The following NCOA2 variants were observed in gnomAD, a reference collection of about 807,000 sequenced individuals.
NCOA2 encodes nuclear receptor coactivator 2, also known as class E basic helix-loop-helix protein 75.
In NCOA2, 21 loss-of-function variants were observed where a neutral mutation model predicts 145.1. The observed-to-expected ratio is 0.14, with a 90% confidence interval of 0.10 to 0.21. The LOEUF (loss-of-function observed/expected upper bound fraction) is 0.21, where lower values mean the gene tolerates loss of function less well. NCOA2 is among the 10% of genes least tolerant of loss of function. The pLI is 1.00. For missense variants in NCOA2, 1,472 were observed against 1,837.6 expected, an observed-to-expected ratio of 0.80 and a Z score of 3.64; for synonymous variants, 619 against 637.5, an observed-to-expected ratio of 0.97 and a Z score of 0.44.
At chr8:70,327,476 TTC>T (rs1191485349) in intron 1 of NCOA2, among the ~76,000 whole-genome samples, 2 of 152,222 alleles carry the variant, frequency 1.3e-5, no homozygotes, top group Admixed American at 1.3e-4. Context: ...CTTTAACTGA[TTC>T]TGTTTCAAAG....
At chr8:70,252,717 G>A (rs1823304443) in intron 2 of NCOA2, among the ~76,000 whole-genome samples, 1 of 152,178 alleles carries the variant, frequency 6.6e-6, no homozygotes, top group African/African-American at 2.4e-5. Flanking sequence ...TTTTTGGACA[G>A]CCTACTTTGA....
At chr8:70,163,726 C>T (rs1471426428) in intron 7 of NCOA2, among the ~76,000 whole-genome samples, 160 bp from the exon 8 acceptor site, 1 of 152,118 alleles carries the variant, frequency 6.6e-6, no homozygotes, top group East Asian at 1.9e-4. Context: ...TTATTCTCTT[C>T]ATGAAAGTGG....
chr8:70,193,233 G>A (rs544807689), intron 4 of NCOA2, among the ~76,000 whole-genome samples: 2 of 152,168 alleles, frequency 1.3e-5, no homozygotes. Flanking sequence ...AACTTCTCTC[G>A]TTAGATGCAA....
chr8:70,378,275 G>A (rs900179578), intron 1 of NCOA2, among the ~76,000 whole-genome samples: 2 of 151,878 alleles, frequency 1.3e-5, no homozygotes, highest in Admixed American at 6.6e-5. Flanking sequence ...AGACCCCATC[G>A]CCATAAAAAT....
At chr8:70,359,126 A>G (rs1809992627) in intron 1 of NCOA2, among the ~76,000 whole-genome samples, 1 of 152,234 alleles carries the variant, frequency 6.6e-6, no homozygotes, top group Admixed American at 6.5e-5. Flanking sequence ...AACCTCATAC[A>G]TTGCTGAATA....
At chr8:70,160,659 C>CAGACAGAGAGAGAGAGAGAG in intron 9 of NCOA2, among the ~76,000 whole-genome samples, 1 of 132,256 alleles carries the variant, frequency 7.6e-6, no homozygotes, top group South Asian at 2.4e-4. Flanking sequence ...AAGTGAGAGA[C>CAGACAGAGAGAGAGAGAGAG]AGAGAGAGAG....
At chr8:70,258,464 A>G (rs997807389) in intron 2 of NCOA2, among the ~76,000 whole-genome samples, 3 of 151,422 alleles carry the variant, frequency 2.0e-5, no homozygotes, top group African/African-American at 4.9e-5. Context: ...TTTATCTGCT[A>G]TTTTTTTTTC....
At chr8:70,396,112 C>G (rs768617828) in intron 1 of NCOA2, among the ~76,000 whole-genome samples, 1 of 152,222 alleles carries the variant, frequency 6.6e-6, no homozygotes, top group Non-Finnish European at 1.5e-5. Flanking sequence ...ACCTAGTCAT[C>G]CATGCTACAT....
At chr8:70,199,894 C>T (rs1167911859) in intron 4 of NCOA2, among the ~76,000 whole-genome samples, 1 of 152,142 alleles carries the variant, frequency 6.6e-6, no homozygotes, top group Non-Finnish European at 1.5e-5. Flanking sequence ...ATAATGTATA[C>T]AGTCAGCCTT....
chr8:70,355,063 A>C (rs1309823138), intron 1 of NCOA2, among the ~76,000 whole-genome samples: 4 of 152,244 alleles, frequency 2.6e-5, no homozygotes, highest in Non-Finnish European at 5.9e-5. Flanking sequence ...TAATATTTTA[A>C]ACGCAAATTC....
the NCOA2 span, among the ~76,000 whole-genome samples, chr8:70,450,573 CTT>C: frequency 7.4e-5 from 7 of 94,626 alleles, no homozygotes; most frequent in East Asian, 4.0e-4. Context: ...TCTTTTTATT[CTT>C]TTTTTTTTTT....
At chr8:70,387,509 C>T (rs369715900) in intron 1 of NCOA2, among the ~76,000 whole-genome samples, 21 of 152,242 alleles carry the variant, frequency 1.4e-4, no homozygotes, top group Middle Eastern at 3.4e-3. Context: ...AGGACAGTAA[C>T]GCTTCAACTT....
At chr8:70,393,441 G>T (rs1813382242) in intron 1 of NCOA2, among the ~76,000 whole-genome samples, 1 of 152,084 alleles carries the variant, frequency 6.6e-6, no homozygotes, top group Non-Finnish European at 1.5e-5. Context: ...GCTGAGACTT[G>T]TCCCATCCTC....
chr8:70,240,212 G>A (rs1822009454), intron 2 of NCOA2, among the ~76,000 whole-genome samples: 1 of 152,094 alleles, frequency 6.6e-6, no homozygotes, highest in Admixed American at 6.6e-5. Context: ...ACAACCTTAG[G>A]AAAGGTTCTT....
At chr8:70,203,950 G>A (rs1174565949) in intron 4 of NCOA2, among the ~76,000 whole-genome samples, 3 of 151,760 alleles carry the variant, frequency 2.0e-5, no homozygotes, top group African/African-American at 7.3e-5. Context: ...TAAAACATTA[G>A]AGAAAATATT....
At chr8:70,135,562 T>C (rs1809637628) in intron 15 of NCOA2, among the ~76,000 whole-genome samples, 1 of 152,188 alleles carries the variant, frequency 6.6e-6, no homozygotes, top group African/African-American at 2.4e-5. Flanking sequence ...TCACTTCCCT[T>C]AGAGATGTCA....
At chr8:70,209,932 GC>G (rs1162101882) in intron 4 of NCOA2, among the ~76,000 whole-genome samples, 1 of 152,128 alleles carries the variant, frequency 6.6e-6, no homozygotes, top group Non-Finnish European at 1.5e-5. Flanking sequence ...AGCAATATTA[GC>G]CTCCCAGTTA....
chr8:70,168,942 T>C (rs567152677), intron 6 of NCOA2, among the ~76,000 whole-genome samples: 4 of 152,336 alleles, frequency 2.6e-5, no homozygotes, highest in East Asian at 1.9e-4. Flanking sequence ...ATCACTGTTA[T>C]AGTCACTTTG....
the NCOA2 span, among the ~76,000 whole-genome samples, chr8:70,425,006 GAC>G: frequency 1.3e-5 from 2 of 152,138 alleles, no homozygotes; most frequent in Non-Finnish European, 2.9e-5. Context: ...AGTTCTAAAG[GAC>G]ATACATAAAC....
Sources: allele counts gnomAD v4.1 joint callset (sites outside exome capture counted in the v4.1 genomes callset), GRCh38; gene constraint gnomAD v4.1.1; transcripts MANE v1.5; gene names NCBI Gene and HGNC (gene_info 2026-07-23, HGNC 2026-07-21).